The following PPP2R2B variants were observed in gnomAD, a reference collection of about 807,000 sequenced individuals.
PPP2R2B encodes the protein protein phosphatase 2 regulatory subunit Bbeta, also known as serine/threonine-protein phosphatase 2A 55 kDa regulatory subunit B beta isoform.
Under a neutral mutation model 46.0 loss-of-function variants are expected in PPP2R2B, and 5 were observed. That is an observed-to-expected ratio of 0.11 (90% CI 0.06 to 0.23). PPP2R2B has a LOEUF of 0.23. Among genes scored for constraint, PPP2R2B ranks in the 10% least tolerant of loss-of-function variants. The pLI is 1.00. For synonymous variants in PPP2R2B, 215 were observed against 206.7 expected (o/e 1.04, Z -0.34); for missense variants, 367 against 575.0 (o/e 0.64, Z 3.70).
At chr5:146,901,046 G>C (rs1762820182) in intron 1 of PPP2R2B, among the ~76,000 whole-genome samples, 4 of 151,902 alleles carry the variant, frequency 2.6e-5, no homozygotes, top group Admixed American at 2.6e-4. Context: ...TGGGCATTTG[G>C]GTTCATTCCA....
At chr5:146,750,349 G>C (rs1399575450) in intron 2 of PPP2R2B, among the ~76,000 whole-genome samples, 1 of 152,138 alleles carries the variant, frequency 6.6e-6, no homozygotes, top group Non-Finnish European at 1.5e-5. Flanking sequence ...GTGGGATTTT[G>C]ATAGCAATCA....
intron 2 of PPP2R2B, among the ~76,000 whole-genome samples, chr5:146,771,867 C>G (rs948011901): frequency 2.6e-5 from 4 of 152,120 alleles, no homozygotes; most frequent in African/African-American, 4.8e-5. Flanking sequence ...AAAAGTATTC[C>G]ATGCTCTTTT....
chr5:147,066,352 T>C (rs1757414537), intron 2 of PPP2R2B, among the ~76,000 whole-genome samples: 1 of 152,166 alleles, frequency 6.6e-6, no homozygotes. Flanking sequence ...TTACATGTAT[T>C]AGCTAATTTA....
chr5:147,003,269 C>T (rs190129231), intron 1 of PPP2R2B, among the ~76,000 whole-genome samples: 2,053 of 152,196 alleles, frequency 0.013, 46 homozygotes, highest in African/African-American at 0.045. Context: ...ATCTCCCCCA[C>T]CCAGAAGGAA....
At chr5:146,767,521 C>T (rs1265236537) in intron 2 of PPP2R2B, among the ~76,000 whole-genome samples, 1 of 151,768 alleles carries the variant, frequency 6.6e-6, no homozygotes, top group Non-Finnish European at 1.5e-5. Flanking sequence ...TAAATTATGA[C>T]TCCAATACAC....
At chr5:146,855,122 A>G (rs537493591) in intron 2 of PPP2R2B, among the ~76,000 whole-genome samples, 4 of 152,242 alleles carry the variant, frequency 2.6e-5, no homozygotes, top group South Asian at 4.2e-4. Context: ...CAAACCCCCA[A>G]TCAATATTAT....
chr5:146,802,576 T>G (rs1756928032), intron 2 of PPP2R2B, among the ~76,000 whole-genome samples: 1 of 152,188 alleles, frequency 6.6e-6, no homozygotes, highest in African/African-American at 2.4e-5. Flanking sequence ...CCCCAGGTGA[T>G]GCAAATAGGC....
intron 2 of PPP2R2B, among the ~76,000 whole-genome samples, chr5:146,739,129 C>G (rs1169914268): frequency 6.6e-6 from 1 of 152,018 alleles, no homozygotes. Context: ...AAGTGATCCC[C>G]CATCCCCCGA....
At chr5:146,716,288 T>A (rs1780493014) in intron 2 of PPP2R2B, among the ~76,000 whole-genome samples, 1 of 152,202 alleles carries the variant, frequency 6.6e-6, no homozygotes, top group Non-Finnish European at 1.5e-5. Context: ...CTGTAACTCT[T>A]TGTACTTTTA....
intron 1 of PPP2R2B, among the ~76,000 whole-genome samples, chr5:146,985,210 AG>A (rs1215354261): frequency 2.6e-5 from 4 of 151,604 alleles, no homozygotes; most frequent in Non-Finnish European, 5.9e-5. Flanking sequence ...TAGTAGAGAC[AG>A]GGTTTCACCA....
intron 6 of PPP2R2B, among the ~76,000 whole-genome samples, chr5:146,639,460 T>A (rs1775049681): frequency 6.6e-6 from 1 of 152,182 alleles, no homozygotes. Context: ...ATAAACCCCT[T>A]CACTGGGATG....
chr5:146,732,835 T>G (rs1004690352), intron 2 of PPP2R2B, among the ~76,000 whole-genome samples: 1 of 152,304 alleles, frequency 6.6e-6, no homozygotes, highest in South Asian at 2.1e-4. Context: ...TCCACCTCCA[T>G]ATAGACTGTA....
intron 2 of PPP2R2B, among the ~76,000 whole-genome samples, chr5:146,861,178 C>T (rs1308146482): frequency 1.3e-5 from 2 of 151,388 alleles, no homozygotes; most frequent in Non-Finnish European, 2.9e-5. Flanking sequence ...GCCTCAGCCT[C>T]CTGAGTAGCT....
At chr5:146,954,300 T>C (rs1751770647) in intron 1 of PPP2R2B, among the ~76,000 whole-genome samples, 1 of 152,188 alleles carries the variant, frequency 6.6e-6, no homozygotes, top group Non-Finnish European at 1.5e-5. Context: ...AACATTGAAA[T>C]GATTCCCATG....
chr5:146,882,967 C>G (rs535467438), upstream of PPP2R2B, among the ~76,000 whole-genome samples: 1 of 152,312 alleles, frequency 6.6e-6, no homozygotes, highest in East Asian at 1.9e-4. Context: ...GTCCCCTCCC[C>G]CAACACTCAC....
At chr5:146,998,999 G>C (rs1348739988) in intron 1 of PPP2R2B, among the ~76,000 whole-genome samples, 1 of 121,618 alleles carries the variant, frequency 8.2e-6, no homozygotes, top group Non-Finnish European at 1.6e-5. Flanking sequence ...GGGAGACAGA[G>C]CGAGACTCCA....
intron 2 of PPP2R2B, among the ~76,000 whole-genome samples, chr5:146,727,303 G>GTTT (rs11464005): frequency 6.8e-6 from 1 of 147,140 alleles, no homozygotes; most frequent in African/African-American, 2.5e-5. Flanking sequence ...TATGAGAGGT[G>GTTT]TTTTTTTTTT....
intron 1 of PPP2R2B, among the ~76,000 whole-genome samples, chr5:146,993,135 G>T (rs1038908967): frequency 6.6e-6 from 1 of 152,010 alleles, no homozygotes; most frequent in Non-Finnish European, 1.5e-5. Context: ...TAGAGACAGG[G>T]TTTCACCATG....
intron 1 of PPP2R2B, among the ~76,000 whole-genome samples, chr5:146,899,066 C>T (rs1292811655): frequency 1.3e-5 from 2 of 151,752 alleles, no homozygotes; most frequent in Non-Finnish European, 2.9e-5. Context: ...GTCAGTAGGG[C>T]GATTCCTCAG....
Sources: gnomAD v4.1 joint callset for allele counts (sites outside exome capture counted in the v4.1 genomes callset) on GRCh38, gnomAD v4.1.1 for gene constraint, MANE v1.5 for transcripts, NCBI Gene and HGNC (gene_info 2026-07-23, HGNC 2026-07-21) for gene names.